Variants in DNAH3 observed in about 807,000 individuals in gnomAD.
The protein encoded by DNAH3 is axonemal beta dynein heavy chain 3.
Under a neutral mutation model 432.5 loss-of-function variants are expected in DNAH3, and 332 were observed. That is an observed-to-expected ratio of 0.77 (90% CI 0.70 to 0.84). The LOEUF (loss-of-function observed/expected upper bound fraction) is 0.84, where lower values mean the gene tolerates loss of function less well. Ranked by LOEUF, DNAH3 falls within the 40% of genes least tolerant of loss-of-function variation. The pLI is 0.00. For synonymous variants in DNAH3, 1,956 were observed against 1,900.2 expected (o/e 1.03, Z -0.76); for missense variants, 4,861 against 5,114.0 (o/e 0.95, Z 1.51).
intron 52 of DNAH3, among the ~76,000 whole-genome samples, chr16:20,966,161 C>T (rs1299032267): frequency 6.7e-6 from 1 of 150,298 alleles, no homozygotes; most frequent in Non-Finnish European, 1.5e-5. Context: ...CCTCAGCCTC[C>T]CGAGCAGCTG....
intron 7 of DNAH3, chr16:21,130,091 G>GAAAAAAAAAAAAAAAAAAAAAAA (rs58706051): frequency 1.3e-5 from 1 of 79,134 alleles, no homozygotes; most frequent in African/African-American, 4.6e-5. Flanking sequence ...CTAAATAAAT[G>GAAAAAAAAAAAAAAAAAAAAAAA]AAAAAAAAAA....
intron 42 of DNAH3, among the ~76,000 whole-genome samples, chr16:21,001,314 G>A (rs528213775): frequency 4.3e-4 from 66 of 152,192 alleles, no homozygotes; most frequent in Non-Finnish European, 8.2e-4. Context: ...GCTACATTTT[G>A]TCCCTCTATG....
chr16:21,089,321 T>C (rs1422829348), intron 18 of DNAH3, among the ~76,000 whole-genome samples: 3 of 152,174 alleles, frequency 2.0e-5, no homozygotes, highest in Non-Finnish European at 2.9e-5. Context: ...GGGATATGTC[T>C]AGCACAGTAA....
chr16:21,058,236 G>A (rs201403817), intron 26 of DNAH3, 40 bp from the exon 27 acceptor site: 18 of 1,301,548 alleles, frequency 1.4e-5, no homozygotes, highest in Middle Eastern at 1.9e-4. Flanking sequence ...ATCAGTTCAC[G>A]TGTGGTTTAA....
chr16:21,039,714 T>G (rs1366427646), intron 33 of DNAH3, 138 bp downstream of exon 33: 7 of 754,684 alleles, frequency 9.3e-6, no homozygotes, highest in Non-Finnish European at 1.7e-5. Context: ...CTATGTGCTC[T>G]CAGACCACCC....
At chr16:21,136,064 T>C (rs1198786317) in intron 6 of DNAH3, among the ~76,000 whole-genome samples, 1 of 151,910 alleles carries the variant, frequency 6.6e-6, no homozygotes, top group Non-Finnish European at 1.5e-5. Context: ...GGTTAAATGA[T>C]GTTTTGGGTA....
chr16:21,036,594 A>G (rs1056939644), intron 35 of DNAH3, 120 bp downstream of exon 35: 13 of 949,370 alleles, frequency 1.4e-5, no homozygotes, highest in Admixed American at 2.4e-5. Context: ...TTTTACTTGC[A>G]TTTCTACACA....
At chr16:21,022,046 G>A in exon 40 of DNAH3, 1 of 1,614,074 alleles carries the variant, frequency 6.2e-7, no homozygotes, top group Admixed American at 1.7e-5. Context: ...AATTTACAAT[G>A]AAGGCGACCA....
At chr16:21,019,575 C>G (rs3095922) in intron 41 of DNAH3, 49 bp downstream of exon 41, 1 of 1,602,538 alleles carries the variant, frequency 6.2e-7, no homozygotes, top group Non-Finnish European at 8.5e-7. Flanking sequence ...GTTTAGAACA[C>G]GTAATTCCAA....
intron 40 of DNAH3, among the ~76,000 whole-genome samples, chr16:21,020,393 A>AT (rs1436477131): frequency 6.1e-4 from 17 of 28,064 alleles, no homozygotes; most frequent in African/African-American, 2.2e-3. Context: ...ATATATATAT[A>AT]TATATTTTTT....
intron 59 of DNAH3, 120 bp from the exon 60 acceptor site, chr16:20,936,973 A>G: frequency 1.3e-6 from 1 of 768,566 alleles, no homozygotes; most frequent in Non-Finnish European, 2.1e-6. Flanking sequence ...TAAATGAGGA[A>G]AAATTAAATC....
At chr16:21,101,147 T>C (rs1198588013) in intron 16 of DNAH3, among the ~76,000 whole-genome samples, 1 of 152,182 alleles carries the variant, frequency 6.6e-6, no homozygotes, top group East Asian at 1.9e-4. Flanking sequence ...CTATCTTAAA[T>C]GCACTCAGAA....
chr16:20,948,652 C>A lies in DNAH3; in HGVS notation c.11189-15G>T, dbSNP rs1042728027. 1.9e-6 allele frequency: 3 copies of A among 1,613,912 alleles called. No homozygotes were observed. Among genetic ancestry groups the A allele is most frequent in the Non-Finnish European group, 1.7e-6 (2 of 1,179,922 alleles). ...ATTACATTCCCCTGGGGACAACCAA[C>A]AGAAGGAGAGGTTGAGCCCAGGGAA... On this transcript the variant is annotated splice_polypyrimidine_tract_variant and intron_variant, in intron 56 of 61. Transcript: ENST00000261383.
At chr16:20,945,412 C>T (rs1417416425) in intron 57 of DNAH3, among the ~76,000 whole-genome samples, 1 of 152,052 alleles carries the variant, frequency 6.6e-6, no homozygotes, top group African/African-American at 2.4e-5. Flanking sequence ...AGCATATAAT[C>T]AAGAAATAAC....
At chr16:21,128,844 G>A (rs1434066458) in intron 7 of DNAH3, among the ~76,000 whole-genome samples, 2 of 143,878 alleles carry the variant, frequency 1.4e-5, no homozygotes, top group Non-Finnish European at 3.0e-5. Context: ...GGGTGACAGA[G>A]CAACACCCTG....
At chr16:20,983,422 G>C (rs886934285) in intron 48 of DNAH3, among the ~76,000 whole-genome samples, 1 of 152,110 alleles carries the variant, frequency 6.6e-6, no homozygotes, top group Non-Finnish European at 1.5e-5. Context: ...CACCATGCCT[G>C]AGTCTATTAC....
At chr16:21,022,395 A>G (rs2088286252) in intron 39 of DNAH3, among the ~76,000 whole-genome samples, 1 of 152,190 alleles carries the variant, frequency 6.6e-6, no homozygotes, top group Non-Finnish European at 1.5e-5. Context: ...GATGCATAAA[A>G]TGTGTTTAGA....
intron 56 of DNAH3, among the ~76,000 whole-genome samples, chr16:20,949,323 G>A (rs1043280429): frequency 2.2e-4 from 32 of 146,320 alleles, no homozygotes; most frequent in African/African-American, 6.6e-4. Flanking sequence ...GCGAAACTTC[G>A]TCTCAAAAAA....
rs1329482851 is a variant in DNAH3, at chr16:21,081,617, G to A, written c.2969+19C>T. On this transcript the variant is annotated intron_variant, in intron 20 of 61. Transcript: ENST00000261383. The stretch of plus-strand genomic sequence containing the variant: ...TCCTTTGACCAAAACCTTATCTGAA[G>A]GAGGGGATAAGCCCTTACTTTTCAA... 1.3e-6 allele frequency: 2 copies of A among 1,598,616 alleles called. No homozygotes were observed. Among genetic ancestry groups the A allele is most frequent in the African/African-American group, 2.7e-5 (2 of 74,586 alleles).
Sources: gnomAD v4.1 joint callset for allele counts (sites outside exome capture counted in the v4.1 genomes callset) on GRCh38, gnomAD v4.1.1 for gene constraint, MANE v1.5 for transcripts, NCBI Gene and HGNC (gene_info 2026-07-23, HGNC 2026-07-21) for gene names.